Variants in SEPTIN9 observed in about 807,000 individuals in gnomAD.
SEPTIN9 encodes the protein septin 9.
SEPTIN9 carries 13 observed loss-of-function variants against 56.6 expected under a neutral mutation model. The ratio of observed to expected loss-of-function variants is 0.23; its 90% confidence interval spans 0.15 to 0.37. The LOEUF is 0.37. SEPTIN9 is among the 10% of genes least tolerant of loss of function. The probability of loss-of-function intolerance (pLI) is 1.00; values close to 1 mark genes in which losing one functional copy is unlikely to be tolerated. For missense variants in SEPTIN9, 650 were observed against 823.1 expected (o/e 0.79, Z 2.57); for synonymous variants, 332 against 334.1 (o/e 0.99, Z 0.07).
chr17:77,404,432 G>A (rs749084164), intron 3 of SEPTIN9, among the ~76,000 whole-genome samples: 204 of 152,252 alleles, frequency 1.3e-3, no homozygotes, highest in Middle Eastern at 3.4e-3. Flanking sequence ...TTTTTTTGTA[G>A]AGACAGGTTC....
intron 2 of SEPTIN9, among the ~76,000 whole-genome samples, chr17:77,339,196 A>G (rs944687009): frequency 1.3e-5 from 2 of 152,224 alleles, no homozygotes; most frequent in African/African-American, 4.8e-5. Flanking sequence ...CTTCTTGTGA[A>G]TCACAAGTGT....
chr17:77,488,344 A>G, intron 6 of SEPTIN9, 23 bp downstream of exon 6: 1 of 1,602,904 alleles, frequency 6.2e-7, no homozygotes, highest in Non-Finnish European at 8.5e-7. Context: ...CAGGGGGAGG[A>G]GCACTAGCGG....
chr17:77,313,876 G>C lies in SEPTIN9; in HGVS notation c.76+6679G>C, dbSNP rs999580077. 6.6e-6 allele frequency among the ~76,000 whole-genome samples: 1 copy of C among 151,680 alleles called. No homozygotes were observed. The highest frequency in any genetic ancestry group is 2.4e-5 in the African/African-American group (1 of 41,270). On this transcript the variant is annotated intron_variant, in intron 2 of 11. Transcript: ENST00000427177. The surrounding 1 kb of genome is among the most constrained non-coding windows in gnomAD (Gnocchi z 4.5). ...CTCCTAAGTAGCTGGGACTACAGTT[G>C]TGCGCCACCATGACTGGCTAATTCT...
chr17:77,454,664 C>T (rs72896176), intron 3 of SEPTIN9, among the ~76,000 whole-genome samples: 1,589 of 152,372 alleles, frequency 0.01, 11 homozygotes, highest in Middle Eastern at 0.027. Flanking sequence ...CTCAGCCCCT[C>T]CCAGAGTTGG....
chr17:77,328,654 C>A (rs1283654573), intron 2 of SEPTIN9, among the ~76,000 whole-genome samples: 2 of 152,242 alleles, frequency 1.3e-5, no homozygotes, highest in Admixed American at 6.5e-5. Flanking sequence ...GCATGAGCCA[C>A]CGTGCCTGGC....
intron 2 of SEPTIN9, among the ~76,000 whole-genome samples, chr17:77,312,045 G>C (rs2032514938): frequency 6.6e-6 from 1 of 152,156 alleles, no homozygotes; most frequent in Admixed American, 6.5e-5. Flanking sequence ...AGGCTGCCAA[G>C]ATCTCATCAA....
chr17:77,488,256 C>T lies in SEPTIN9; in HGVS notation c.1059C>T (p.Gly353=), dbSNP rs377187364. Residue 353 remains glycine, a synonymous_variant, in exon 6 of 12, where the codon GGC becomes GGT. Transcript: ENST00000427177. ...TCTGTGCAGATATTGAGGAGAAAGGCGTCCGGATGAAGCTGACAGTGATTG... is the reference window on the plus strand; with the variant it reads ...TCTGTGCAGATATTGAGGAGAAAGGTGTCCGGATGAAGCTGACAGTGATTG... ...KSITHDIEEK[G]VRMKLTVIDT... The T allele has an allele frequency of 2.1e-5, 34 of 1,613,630 alleles. No individual in the cohort carries two copies. The highest frequency in any genetic ancestry group is 9.3e-5 in the African/African-American group (7 of 74,928).
At chr17:77,338,772 G>T (rs181735709) in intron 2 of SEPTIN9, among the ~76,000 whole-genome samples, 12 of 152,334 alleles carry the variant, frequency 7.9e-5, no homozygotes, top group Admixed American at 2.0e-4. Context: ...TTTCATGAAA[G>T]ATTTTTCTGT....
chr17:77,373,621 G>GGACGGGGGTGCGCTGAGGGGA lies in SEPTIN9; in HGVS notation c.77-28431_77-28411dup, dbSNP rs1417492420. 9.8e-6 allele frequency: 15 copies of GGACGGGGGTGCGCTGAGGGGA among 1,524,092 alleles called. No homozygotes were observed. The African/African-American group carries it at 1.9e-4, about 19-fold the overall frequency. The allele number at this position is 1,524,092 out of a possible 1,614,324, so 94.4% of individuals were successfully genotyped here. Reference sequence around the variant, plus strand: ...GGACCCTGCGGGTGGGCCTGGCGCGGGACGGGGGTGCGCTGAGGGGAGACG... The same window carrying GGACGGGGGTGCGCTGAGGGGA: ...GGACCCTGCGGGTGGGCCTGGCGCGGGACGGGGGTGCGCTGAGGGGAGACGGGGGTGCGCTGAGGGGAGACG... On this transcript the variant is annotated intron_variant, in intron 2 of 11. Transcript: ENST00000427177.
At chr17:77,343,011 A>G (rs113046791) in intron 2 of SEPTIN9, among the ~76,000 whole-genome samples, 60 of 94,500 alleles carry the variant, frequency 6.3e-4, no homozygotes, top group Non-Finnish European at 1.2e-3. Flanking sequence ...CTGTCTATCT[A>G]TCTATCTATC....
intron 1 of SEPTIN9, among the ~76,000 whole-genome samples, chr17:77,294,206 G>T (rs1460246108): frequency 6.6e-6 from 1 of 152,052 alleles, no homozygotes; most frequent in Non-Finnish European, 1.5e-5. Context: ...ATCACTTGAG[G>T]TCAGGAGTTT....
At chr17:77,452,022 G>A (rs72896175) in intron 3 of SEPTIN9, among the ~76,000 whole-genome samples, 1 of 152,192 alleles carries the variant, frequency 6.6e-6, no homozygotes, top group African/African-American at 2.4e-5. Flanking sequence ...TGCCGTAACC[G>A]AAGCTCCCCG....
At chr17:77,370,342 C>T (rs1027178465) in intron 2 of SEPTIN9, among the ~76,000 whole-genome samples, 2 of 152,218 alleles carry the variant, frequency 1.3e-5, no homozygotes, top group Non-Finnish European at 2.9e-5. Context: ...ACTCCGGTCT[C>T]TGCCTCTGTC....
Position 77,313,384 on chromosome 17 carries a change from C to A in SEPTIN9, c.76+6187C>A, listed in dbSNP as rs143310967. ...CTGGAAGGACTCCTAAAGCAACAGGCCTGCCCAGGCGGTTTGCACCAGTAA... is the reference window on the plus strand; with the variant it reads ...CTGGAAGGACTCCTAAAGCAACAGGACTGCCCAGGCGGTTTGCACCAGTAA... On this transcript the variant is annotated intron_variant, in intron 2 of 11. Coordinates refer to ENST00000427177, the MANE Select transcript of SEPTIN9 (RefSeq NM_001113491.2). The surrounding 1 kb of genome is among the most constrained non-coding windows in gnomAD (Gnocchi z 4.5). Among the ~76,000 whole-genome samples, 5 of 152,384 alleles carry A rather than the reference C, an allele frequency of 3.3e-5. No homozygotes were observed. The highest frequency in any genetic ancestry group is 1.9e-4 in the East Asian group (1 of 5,188).
At chr17:77,473,393 C>CATTTT (rs1413973291) in intron 3 of SEPTIN9, among the ~76,000 whole-genome samples, 1 of 152,066 alleles carries the variant, frequency 6.6e-6, no homozygotes, top group African/African-American at 2.4e-5. Flanking sequence ...TTTTAATTCT[C>CATTTT]ATTTTATTTT....
In SEPTIN9 at chr17:77,349,208, C is replaced by T. The variant is rs188594609; in HGVS notation, c.76+42011C>T. Among the ~76,000 whole-genome samples the T allele has an allele frequency of 4.4e-3, 673 of 152,204 alleles. 8 individuals are homozygous for T. Among genetic ancestry groups the T allele is most frequent in the African/African-American group, 0.015 (631 of 41,514 alleles). On this transcript the variant is annotated intron_variant, in intron 2 of 11. Coordinates refer to ENST00000427177, the MANE Select transcript of SEPTIN9 (RefSeq NM_001113491.2). ...ATCTCAACTCACCAACCTTCTCCTC[C>T]CGGGCTCAAACGATTCTCCTGCCTC...
At chr17:77,373,620 G>C (rs2034802951) in intron 2 of SEPTIN9, 2 of 1,519,292 alleles carry the variant, frequency 1.3e-6, no homozygotes, top group South Asian at 1.2e-5. Flanking sequence ...GGCCTGGCGC[G>C]GGACGGGGGT....
intron 3 of SEPTIN9, among the ~76,000 whole-genome samples, chr17:77,414,104 G>T (rs551722147): frequency 6.6e-6 from 1 of 151,890 alleles, no homozygotes; most frequent in South Asian, 2.1e-4. Context: ...TTGAGACGGA[G>T]TTTCACTCTT....
In SEPTIN9 at chr17:77,326,499, G is replaced by C. The variant is rs1237983202; in HGVS notation, c.76+19302G>C. On this transcript the variant is annotated intron_variant, in intron 2 of 11. Coordinates refer to ENST00000427177, the MANE Select transcript of SEPTIN9 (RefSeq NM_001113491.2). This position sits in a 1 kb window ranked among gnomAD's most constrained non-coding sequence, Gnocchi z 5.1. Reference sequence around the variant, plus strand: ...AGGCTCAAACCCAGCAGGCAGAGGCGATCGCTGCAGGCAACCGGCAATGTG... The same window carrying C: ...AGGCTCAAACCCAGCAGGCAGAGGCCATCGCTGCAGGCAACCGGCAATGTG... Among the ~76,000 whole-genome samples, 1 of 152,216 alleles carries C rather than the reference G, an allele frequency of 6.6e-6. No homozygotes were observed. The highest frequency in any genetic ancestry group is 2.4e-5 in the African/African-American group (1 of 41,446).
Sources: gnomAD v4.1 joint callset for allele counts (sites outside exome capture counted in the v4.1 genomes callset) on GRCh38, gnomAD v4.1.1 for gene constraint, Gnocchi (gnomAD v3.1) non-coding constraint, MANE v1.5 for transcripts, NCBI Gene and HGNC (gene_info 2026-07-23, HGNC 2026-07-21) for gene names.